Variants in GPC6 observed in about 807,000 individuals in gnomAD.
GPC6 encodes the protein glypican 6.
Under a neutral mutation model 55.2 loss-of-function variants are expected in GPC6, and 14 were observed. The observed-to-expected ratio is 0.25, with a 90% confidence interval of 0.17 to 0.40. The LOEUF is 0.40. Ranked by LOEUF, GPC6 falls within the 10% of genes least tolerant of loss-of-function variation. GPC6 has a pLI of 1.00. For synonymous variants in GPC6, 278 were observed against 259.6 expected, an observed-to-expected ratio of 1.07 and a Z score of -0.68; for missense variants, 641 against 708.5, an observed-to-expected ratio of 0.90 and a Z score of 1.08.
At chr13:93,581,513 G>A (rs1876935156) in intron 2 of GPC6, among the ~76,000 whole-genome samples, 1 of 152,116 alleles carries the variant, frequency 6.6e-6, no homozygotes, top group African/African-American at 2.4e-5. Flanking sequence ...TTTGAGACCA[G>A]CTTGAGAAAC....
At chr13:93,416,667 C>A (rs1876708914) in intron 1 of GPC6, among the ~76,000 whole-genome samples, 1 of 151,960 alleles carries the variant, frequency 6.6e-6, no homozygotes, top group Non-Finnish European at 1.5e-5. Flanking sequence ...TTTTTGGAAC[C>A]CATTAACCTT....
At chr13:93,524,222 G>C (rs976420) in intron 1 of GPC6, among the ~76,000 whole-genome samples, 8,675 of 151,940 alleles carry the variant, frequency 0.057, 810 homozygotes, top group African/African-American at 0.2. Context: ...TGAGAGGTTT[G>C]ACTTTGTCCA....
chr13:93,794,438 T>A (rs1171866796), intron 2 of GPC6, among the ~76,000 whole-genome samples: 1 of 152,210 alleles, frequency 6.6e-6, no homozygotes, highest in Admixed American at 6.5e-5. Flanking sequence ...AGAATCACAC[T>A]TCCTGAACAG....
intron 2 of GPC6, among the ~76,000 whole-genome samples, chr13:93,683,063 G>A (rs1881911784): frequency 6.6e-6 from 1 of 151,886 alleles, no homozygotes; most frequent in South Asian, 2.1e-4. Flanking sequence ...AGAAAGTCTA[G>A]ATATTAAATC....
intron 1 of GPC6, among the ~76,000 whole-genome samples, chr13:93,483,077 T>C (rs887036174): frequency 2.0e-5 from 3 of 152,202 alleles, no homozygotes; most frequent in African/African-American, 4.8e-5. Context: ...TTTCTGACTT[T>C]GATCACTTCG....
intron 1 of GPC6, among the ~76,000 whole-genome samples, chr13:93,427,912 T>G (rs770187688): frequency 1.3e-5 from 2 of 152,186 alleles, no homozygotes; most frequent in African/African-American, 2.4e-5. Context: ...TAGAAAAGTT[T>G]TATGCAGTCA....
intron 2 of GPC6, among the ~76,000 whole-genome samples, chr13:93,577,686 T>C (rs73541538): frequency 0.036 from 5,504 of 152,032 alleles, 336 homozygotes; most frequent in African/African-American, 0.12. Context: ...ACAATTTCAA[T>C]CTGGATGCCC....
At chr13:93,888,897 C>A (rs2140315954) in intron 3 of GPC6, among the ~76,000 whole-genome samples, 1 of 152,164 alleles carries the variant, frequency 6.6e-6, no homozygotes, top group African/African-American at 2.4e-5. Flanking sequence ...AAGGGCTAAA[C>A]TAATAGAACT....
At chr13:94,400,805 G>T (rs1881095253) in intron 8 of GPC6, among the ~76,000 whole-genome samples, 1 of 152,174 alleles carries the variant, frequency 6.6e-6, no homozygotes, top group African/African-American at 2.4e-5. Flanking sequence ...GCAAGTGAGA[G>T]AAATAGCTAA....
intron 1 of GPC6, among the ~76,000 whole-genome samples, chr13:93,335,827 A>G (rs1880026102): frequency 6.6e-6 from 1 of 152,142 alleles, no homozygotes; most frequent in South Asian, 2.1e-4. Flanking sequence ...TGCTTCCTGG[A>G]ACTTTCTACT....
chr13:93,989,976 T>C (rs1053670184), intron 3 of GPC6, among the ~76,000 whole-genome samples: 7 of 149,676 alleles, frequency 4.7e-5, no homozygotes, highest in African/African-American at 1.7e-4. Flanking sequence ...TGTAAAGAAA[T>C]AATGTGGAAA....
At chr13:93,521,976 C>A (rs893715465) in intron 1 of GPC6, among the ~76,000 whole-genome samples, 1 of 151,854 alleles carries the variant, frequency 6.6e-6, no homozygotes, top group Non-Finnish European at 1.5e-5. Flanking sequence ...TTTAAGTCAC[C>A]TTTATCCTTA....
intron 2 of GPC6, among the ~76,000 whole-genome samples, chr13:93,680,219 C>A (rs1881798224): frequency 6.6e-6 from 1 of 151,966 alleles, no homozygotes; most frequent in South Asian, 2.1e-4. Flanking sequence ...CACAGAGACA[C>A]AAATGGAAGG....
intron 1 of GPC6, among the ~76,000 whole-genome samples, chr13:93,338,853 T>C (rs755739951): frequency 2.5e-4 from 38 of 152,224 alleles, no homozygotes; most frequent in Admixed American, 2.0e-4. Flanking sequence ...GGGAATGGGC[T>C]ACCTCCATCT....
chr13:94,017,243 T>C (rs573484770), intron 3 of GPC6, among the ~76,000 whole-genome samples: 8 of 152,328 alleles, frequency 5.3e-5, no homozygotes, highest in African/African-American at 1.9e-4. Flanking sequence ...ATTTATTAGC[T>C]CCAGAAGGTT....
chr13:93,287,385 G>T (rs1053886173), intron 1 of GPC6, among the ~76,000 whole-genome samples: 2 of 152,198 alleles, frequency 1.3e-5, no homozygotes, highest in Non-Finnish European at 2.9e-5. Flanking sequence ...TGAAAAGCTG[G>T]TTCTGGGGTG....
chr13:94,205,615 C>T (rs1003733290), intron 4 of GPC6, among the ~76,000 whole-genome samples: 3 of 152,158 alleles, frequency 2.0e-5, no homozygotes, highest in African/African-American at 4.8e-5. Context: ...CAGAGATGTA[C>T]CTGAACAAAT....
chr13:94,203,553 T>C (rs1365840944), intron 4 of GPC6, among the ~76,000 whole-genome samples: 1 of 152,144 alleles, frequency 6.6e-6, no homozygotes, highest in African/African-American at 2.4e-5. Context: ...AGTGCATTTA[T>C]TATAGGGCTT....
At chr13:93,748,472 A>G (rs947240715) in intron 2 of GPC6, among the ~76,000 whole-genome samples, 1 of 151,932 alleles carries the variant, frequency 6.6e-6, no homozygotes, top group Non-Finnish European at 1.5e-5. Flanking sequence ...TTATCACTCA[A>G]TTTTTAATCA....
Sources: gnomAD v4.1 joint callset for allele counts (sites outside exome capture counted in the v4.1 genomes callset) on GRCh38, gnomAD v4.1.1 for gene constraint, MANE v1.5 for transcripts, NCBI Gene and HGNC (gene_info 2026-07-23, HGNC 2026-07-21) for gene names.